SEL1L3: variants seen among roughly 807,000 people sequenced by gnomAD.
SEL1L3 encodes protein sel-1 homolog 3.
Under a neutral mutation model 142.8 loss-of-function variants are expected in SEL1L3, and 76 were observed. The ratio of observed to expected loss-of-function variants is 0.53; its 90% confidence interval spans 0.44 to 0.64. The LOEUF is 0.64. Among genes scored for constraint, SEL1L3 ranks in the 30% least tolerant of loss-of-function variants. SEL1L3 has a pLI of 0.00. For missense variants in SEL1L3, 1,262 were observed against 1,381.7 expected (o/e 0.91, Z 1.37); for synonymous variants, 504 against 519.6 (o/e 0.97, Z 0.41).
At chr4:25,804,313 A>C (rs1417036551) in intron 10 of SEL1L3, among the ~76,000 whole-genome samples, 1 of 152,192 alleles carries the variant, frequency 6.6e-6, no homozygotes, top group East Asian at 1.9e-4. Flanking sequence ...CTGGTACACC[A>C]ATCATCCCCC....
chr4:25,833,413 A>G (rs777618907), intron 4 of SEL1L3, 35 bp downstream of exon 4: 32 of 1,589,128 alleles, frequency 2.0e-5, no homozygotes, highest in Non-Finnish European at 2.6e-5. Context: ...TTACAAAATT[A>G]CAATATCATT....
At chr4:25,774,635 G>A (rs747130928) in intron 17 of SEL1L3, among the ~76,000 whole-genome samples, 8 of 152,180 alleles carry the variant, frequency 5.3e-5, no homozygotes, top group Non-Finnish European at 1.0e-4. Context: ...CCAAGGTGGT[G>A]AATCACCTGA....
At chr4:25,738,051 G>A in the SEL1L3 span, among the ~76,000 whole-genome samples, 1 of 151,990 alleles carries the variant, frequency 6.6e-6, no homozygotes, top group Non-Finnish European at 1.5e-5. Flanking sequence ...CGCCACACCT[G>A]CCTAATTTTG....
In SEL1L3 at chr4:25,764,064, C is replaced by T. The variant is rs548080515; in HGVS notation, c.2955+1262G>A. 4.6e-5 allele frequency among the ~76,000 whole-genome samples: 7 copies of T among 152,280 alleles called. No homozygotes were observed. In the South Asian group the frequency reaches 8.3e-4, roughly 18 times the overall value. On this transcript the variant is annotated intron_variant, in intron 20 of 23. Coordinates refer to ENST00000399878, the MANE Select transcript of SEL1L3 (RefSeq NM_015187.5). ...AGGAATAAGGGAAATTGAGAATCAT[C>T]GTTAGAACAGCATGGTAATAATCGT...
intron 21 of SEL1L3, 130 bp from the exon 22 acceptor site, chr4:25,757,920 G>T: frequency 1.5e-6 from 1 of 658,980 alleles, no homozygotes; most frequent in Non-Finnish European, 2.7e-6. Context: ...AACTGACAAA[G>T]ATGAGAGACA....
chr4:25,771,255 C>T (rs929426582), intron 17 of SEL1L3, among the ~76,000 whole-genome samples: 1 of 152,234 alleles, frequency 6.6e-6, no homozygotes, highest in Non-Finnish European at 1.5e-5. Context: ...TCAACCAGAG[C>T]TTCAAGCTTT....
intron 11 of SEL1L3, among the ~76,000 whole-genome samples, chr4:25,794,224 G>C (rs1712551906): frequency 6.6e-6 from 1 of 152,150 alleles, no homozygotes; most frequent in African/African-American, 2.4e-5. Flanking sequence ...ACTATCATCA[G>C]AGCAAACAAC....
At chr4:25,749,737 T>G (rs1474260226) in intron 23 of SEL1L3, among the ~76,000 whole-genome samples, 1 of 152,246 alleles carries the variant, frequency 6.6e-6, no homozygotes, top group Non-Finnish European at 1.5e-5. Context: ...GACCATTTTC[T>G]GTACATTAGT....
At chr4:25,735,135 A>C in the SEL1L3 span, among the ~76,000 whole-genome samples, 2 of 152,128 alleles carry the variant, frequency 1.3e-5, no homozygotes, top group Non-Finnish European at 2.9e-5. Context: ...TTTTCTTTTT[A>C]GGAAAAGATT....
the SEL1L3 span, among the ~76,000 whole-genome samples, chr4:25,714,512 C>A: frequency 1.5e-5 from 1 of 67,648 alleles, no homozygotes; most frequent in Admixed American, 1.5e-4. Flanking sequence ...TTCTTTCTTT[C>A]TTTCTTTCTT....
chr4:25,773,130 A>G (rs543900466), intron 17 of SEL1L3, among the ~76,000 whole-genome samples: 4 of 150,486 alleles, frequency 2.7e-5, no homozygotes, highest in Non-Finnish European at 4.5e-5. Flanking sequence ...TATGTTAAGT[A>G]AAAAAAAGCA....
chr4:25,758,266 T>TAC (rs1718131804), intron 21 of SEL1L3, among the ~76,000 whole-genome samples: 1 of 151,676 alleles, frequency 6.6e-6, no homozygotes, highest in Non-Finnish European at 1.5e-5. Flanking sequence ...AGGCCAGGAG[T>TAC]TCGAGACCAG....
chr4:25,749,919 C>G (rs1463197731), intron 23 of SEL1L3, among the ~76,000 whole-genome samples: 1 of 152,120 alleles, frequency 6.6e-6, no homozygotes, highest in African/African-American at 2.4e-5. Flanking sequence ...AATTTTGCAT[C>G]CATAGTAAAG....
At chr4:25,758,412 A>G (rs964806646) in intron 21 of SEL1L3, among the ~76,000 whole-genome samples, 1 of 152,206 alleles carries the variant, frequency 6.6e-6, no homozygotes. Flanking sequence ...TGGAGGTTGC[A>G]GTGAGCTGAG....
the SEL1L3 span, among the ~76,000 whole-genome samples, chr4:25,731,770 A>G: frequency 1.3e-5 from 2 of 152,108 alleles, no homozygotes; most frequent in African/African-American, 4.8e-5. Flanking sequence ...TTAGGGACAT[A>G]TTACAAAGAG....
the SEL1L3 span, among the ~76,000 whole-genome samples, chr4:25,739,358 A>C: frequency 6.6e-6 from 1 of 152,188 alleles, no homozygotes; most frequent in Non-Finnish European, 1.5e-5. Context: ...AGCTTCTCAC[A>C]ACAATGAACT....
At chr4:25,815,868 G>GA (rs1023322385) in intron 9 of SEL1L3, among the ~76,000 whole-genome samples, 3 of 85,738 alleles carry the variant, frequency 3.5e-5, no homozygotes, top group Non-Finnish European at 1.0e-4. Context: ...GAGGGATATT[G>GA]GGGGGGGTGC....
chr4:25,843,743 G>A (rs1343679120), intron 2 of SEL1L3, among the ~76,000 whole-genome samples: 2 of 152,222 alleles, frequency 1.3e-5, no homozygotes, highest in East Asian at 1.9e-4. Context: ...AATGGCTACC[G>A]ACTTCTCATC....
intron 11 of SEL1L3, among the ~76,000 whole-genome samples, chr4:25,791,564 G>T (rs1176701487): frequency 1.3e-5 from 2 of 152,206 alleles, no homozygotes; most frequent in African/African-American, 2.4e-5. Context: ...GCCACAGGCA[G>T]ATGGTGAAAA....
Sources: gnomAD v4.1 joint callset for allele counts (sites outside exome capture counted in the v4.1 genomes callset) on GRCh38, gnomAD v4.1.1 for gene constraint, MANE v1.5 for transcripts, NCBI Gene and HGNC (gene_info 2026-07-23, HGNC 2026-07-21) for gene names.